Variants in KCNK4 observed in about 807,000 individuals in gnomAD.
The protein encoded by KCNK4 is potassium two pore domain channel subfamily K member 4, also known as potassium channel subfamily K member 4.
KCNK4 carries 22 observed loss-of-function variants against 28.8 expected under a neutral mutation model. The ratio of observed to expected loss-of-function variants is 0.76; its 90% CI spans 0.55 to 1.09. The LOEUF is 1.09. Ranked by LOEUF, KCNK4 falls within the 50% of genes least tolerant of loss-of-function variation. The pLI is 0.00. For synonymous variants in KCNK4, 263 were observed against 252.9 expected (o/e 1.04, Z -0.38); for missense variants, 483 against 546.3 (o/e 0.88, Z 1.15).
chr11:64,292,649 T>C, intron 1 of KCNK4: 1 of 176,252 alleles, frequency 5.7e-6, no homozygotes. Flanking sequence ...TCGCCCCGCT[T>C]CCCCCTAGGC....
At chr11:64,296,609 A>G (rs2034770146) in intron 2 of KCNK4, among the ~76,000 whole-genome samples, 1 of 152,136 alleles carries the variant, frequency 6.6e-6, no homozygotes, top group African/African-American at 2.4e-5. Context: ...GCTCCTGACC[A>G]TGGTAAAAGT....
chr11:64,297,835 C>CT (rs1414062093), intron 5 of KCNK4, among the ~76,000 whole-genome samples, 182 bp downstream of exon 5: 1 of 152,220 alleles, frequency 6.6e-6, no homozygotes, highest in Non-Finnish European at 1.5e-5. Flanking sequence ...TTCTTATATG[C>CT]TTGAGTCCCA....
intron 1 of KCNK4, among the ~76,000 whole-genome samples, chr11:64,292,272 C>T (rs2034649448): frequency 6.6e-6 from 1 of 152,122 alleles, no homozygotes; most frequent in South Asian, 2.1e-4. Flanking sequence ...GTCTCGGGGG[C>T]TGTCGCCCCG....
intron 5 of KCNK4, 73 bp from the exon 6 acceptor site, chr11:64,298,037 G>C (rs532967953): frequency 4.7e-5 from 72 of 1,545,450 alleles, no homozygotes; most frequent in Non-Finnish European, 6.1e-5. Flanking sequence ...GAACTGGGAG[G>C]GGGGCACTGA....
chr11:64,294,062 T>C (rs2034706554), intron 2 of KCNK4, among the ~76,000 whole-genome samples: 1 of 152,086 alleles, frequency 6.6e-6, no homozygotes, highest in African/African-American at 2.4e-5. Flanking sequence ...AAAGTGTGCA[T>C]ATGAACATGT....
At position 64,293,181 on chromosome 11, in the gene KCNK4, G is replaced by C. The variant is rs779639783; in HGVS notation, c.163G>C (p.Asp55His). 68 of 1,484,954 alleles carry C rather than the reference G, an allele frequency of 4.6e-5. No individual in the cohort carries two copies. Among genetic ancestry groups the C allele is most frequent in the Admixed American group, 2.4e-5 (1 of 42,106 alleles). The allele number at this position is 1,484,954 out of a possible 1,614,324, so 92.0% of individuals were successfully genotyped here. A position where few individuals can be genotyped will look rare whatever the true frequency, so the allele number is the denominator to read the frequency against. ...KFLRAHPCVS[D>H]QELGLLIKEV... is the part of the protein sequence containing the mutation. Reference sequence around the variant, plus strand: ...CCTGAGGGCCCATCCGTGTGTGAGCGACCAGGAGCTGGGCCTCCTCATCAA... The same window carrying C: ...CCTGAGGGCCCATCCGTGTGTGAGCCACCAGGAGCTGGGCCTCCTCATCAA... The change falls in exon 2 of 7, where the codon GAC becomes CAC. Residue 55 changes from aspartate (D) to histidine (H), a missense_variant. Coordinates refer to ENST00000422670, the MANE Select transcript of KCNK4 (RefSeq NM_033310.3).
intron 2 of KCNK4, chr11:64,296,127 G>A (rs2034758457): frequency 6.6e-6 from 1 of 152,052 alleles, no homozygotes; most frequent in South Asian, 2.1e-4. Context: ...TGCTTCACTT[G>A]ACTAGCCTTA....
In KCNK4 at chr11:64,297,004, G is replaced by A; in HGVS notation, c.313+3G>A. On this transcript the variant is annotated splice_donor_region_variant and intron_variant, in intron 3 of 6. Coordinates refer to ENST00000422670, the MANE Select transcript of KCNK4 (RefSeq NM_033310.3). ...AGGGACCATCATCACCACCATCGGT[G>A]GGGGAGGGGATTGGCATGTGGGGGG... is the stretch of plus-strand genomic sequence containing the variant. 6.4e-7 allele frequency: 1 copy of A among 1,551,326 alleles called. No individual in the cohort carries two copies. Among genetic ancestry groups the A allele is most frequent in the Non-Finnish European group, 8.7e-7 (1 of 1,148,122 alleles).
In KCNK4 at chr11:64,294,515, C is replaced by CAAAA. The variant is rs771542870; in HGVS notation, c.189+1326_189+1329dup. The stretch of plus-strand genomic sequence containing the variant: ...CCAGCCCAGCCTGGATGATCGGTCT[C>CAAAA]AAAAAAAAAAAAAAAAAAAAAGAAA... On this transcript the variant is annotated intron_variant, in intron 2 of 6. Transcript: ENST00000422670. Among the ~76,000 whole-genome samples the CAAAA allele has an allele frequency of 5.4e-4, 50 of 92,248 alleles. 1 individual carries two copies. Among genetic ancestry groups the CAAAA allele is most frequent in the African/African-American group, 1.1e-3 (23 of 21,536 alleles). The allele number at this position is 92,248 out of a possible 152,430, so 60.5% of individuals were successfully genotyped here. A position where few individuals can be genotyped will look rare whatever the true frequency, so the allele number is the denominator to read the frequency against.
Position 64,292,962 on chromosome 11 carries a change from C to T in KCNK4, c.-57C>T. The T allele has an allele frequency of 6.7e-7, 1 of 1,488,548 alleles. No homozygotes were observed. The highest frequency in any genetic ancestry group is 1.3e-5 in the South Asian group (1 of 76,586). The allele number at this position is 1,488,548 out of a possible 1,614,324, so 92.2% of individuals were successfully genotyped here. ...CGCAGTGACGACAGCTCCCCAGGAGCCCCCCGCCCGGCCCCTCCAGGCGGG... is the reference window on the plus strand; with the variant it reads ...CGCAGTGACGACAGCTCCCCAGGAGTCCCCCGCCCGGCCCCTCCAGGCGGG... On this transcript the variant is annotated 5_prime_UTR_variant, in exon 2 of 7. Transcript: ENST00000422670.
chr11:64,297,928 C>G (rs752834819), intron 5 of KCNK4, among the ~76,000 whole-genome samples, 182 bp from the exon 6 acceptor site: 1 of 152,190 alleles, frequency 6.6e-6, no homozygotes. Flanking sequence ...ATGCTTTTAT[C>G]TTGCACACTT....
chr11:64,294,183 G>A (rs935768020), intron 2 of KCNK4, among the ~76,000 whole-genome samples: 8 of 152,070 alleles, frequency 5.3e-5, no homozygotes, highest in African/African-American at 1.9e-4. Flanking sequence ...GGTGCGTCAG[G>A]GTTCCCTGAG....
chr11:64,298,284 C>T, intron 6 of KCNK4, 35 bp downstream of exon 6: 1 of 1,608,272 alleles, frequency 6.2e-7, no homozygotes. Flanking sequence ...TGCCTGCGCA[C>T]TGTGGTGCAA....
chr11:64,297,154 C>A lies in KCNK4; in HGVS notation c.349C>A (p.Arg117Ser), dbSNP rs779069633. Residue 117 changes from arginine (R) to serine (S), a missense_variant, in exon 4 of 7, where the codon CGC becomes AGC. Transcript: ENST00000422670. ...TGTGGCCCTGCGCACAGATGCCGGG[C>A]GCCTCTTCTGCATCTTTTATGCGCT... ...GNVALRTDAG[R>S]LFCIFYALVG... is the part of the protein sequence containing the mutation. The A allele has an allele frequency of 1.9e-6, 3 of 1,614,052 alleles. No homozygotes were observed. The highest frequency in any genetic ancestry group is 2.5e-6 in the Non-Finnish European group (3 of 1,180,042).
intron 4 of KCNK4, 76 bp downstream of exon 4, chr11:64,297,355 C>T (rs368546058): frequency 5.5e-5 from 86 of 1,573,126 alleles, no homozygotes; most frequent in East Asian, 4.9e-4. Context: ...CACATGAGCG[C>T]GCCCCCAAAG....
intron 6 of KCNK4, among the ~76,000 whole-genome samples, chr11:64,299,099 A>G (rs11608247): frequency 0.027 from 4,102 of 149,516 alleles, 81 homozygotes; most frequent in Non-Finnish European, 0.045. Context: ...TGCACGAGAT[A>G]TATTTATACT....
chr11:64,292,211 G>T (rs1447474272), intron 1 of KCNK4: 2 of 582,068 alleles, frequency 3.4e-6, no homozygotes, highest in African/African-American at 2.0e-5. Context: ...GGCGCGTGCC[G>T]GGGCGTGTGT....
chr11:64,292,745 CAG>C (rs1565367656), intron 1 of KCNK4, 195 bp from the exon 2 acceptor site: 1 of 437,750 alleles, frequency 2.3e-6, no homozygotes, highest in Non-Finnish European at 3.7e-6. Flanking sequence ...TAGTCCCAGA[CAG>C]GGGCTGAGGG....
At chr11:64,292,289 C>T (rs1205570326) in intron 1 of KCNK4, among the ~76,000 whole-genome samples, 4 of 152,150 alleles carry the variant, frequency 2.6e-5, no homozygotes, top group African/African-American at 9.6e-5. Context: ...CCCGGTGTGG[C>T]CTTTGCGGAC....
Sources: gnomAD v4.1 joint callset for allele counts (sites outside exome capture counted in the v4.1 genomes callset) on GRCh38, gnomAD v4.1.1 for gene constraint, MANE v1.5 for transcripts, NCBI Gene and HGNC (gene_info 2026-07-23, HGNC 2026-07-21) for gene names.